Variants in OPRM1 observed in about 807,000 individuals in gnomAD.
OPRM1 encodes mu-type opioid receptor.
Under a neutral mutation model 31.8 loss-of-function variants are expected in OPRM1, and 27 were observed. That is an observed-to-expected ratio of 0.85 (90% CI 0.63 to 1.17). The LOEUF is 1.17. OPRM1 is among the 50% of genes most tolerant of loss of function. OPRM1 has a pLI of 0.00. For missense variants in OPRM1, 536 were observed against 511.1 expected (o/e 1.05, Z -0.47); for synonymous variants, 196 against 189.9 (o/e 1.03, Z -0.26).
intron 3 of OPRM1, among the ~76,000 whole-genome samples, chr6:154,172,089 T>A (rs990594625): frequency 2.6e-5 from 4 of 152,332 alleles, no homozygotes; most frequent in African/African-American, 9.6e-5. Flanking sequence ...AACTTACCAA[T>A]TGAGCCACTA....
chr6:154,178,714 C>T (rs927808028), intron 3 of OPRM1, among the ~76,000 whole-genome samples: 2 of 151,952 alleles, frequency 1.3e-5, no homozygotes, highest in African/African-American at 4.8e-5. Flanking sequence ...TAAATTAATC[C>T]AAAAATGAGA....
At chr6:154,017,090 A>G (rs1583119307) in intron 1 of OPRM1, among the ~76,000 whole-genome samples, 1 of 152,148 alleles carries the variant, frequency 6.6e-6, no homozygotes, top group African/African-American at 2.4e-5. Context: ...CCTAGCACTT[A>G]TCACCATCTG....
At chr6:154,030,295 GA>G (rs1397659404) in intron 1 of OPRM1, among the ~76,000 whole-genome samples, 1 of 152,126 alleles carries the variant, frequency 6.6e-6, no homozygotes, top group Non-Finnish European at 1.5e-5. Flanking sequence ...CTTGATTAAG[GA>G]AATAAAAAGA....
At chr6:154,055,507 A>G (rs1783098051) in intron 1 of OPRM1, among the ~76,000 whole-genome samples, 1 of 152,186 alleles carries the variant, frequency 6.6e-6, no homozygotes. Context: ...ACACTCACTC[A>G]GGGCTTTTGC....
At chr6:154,187,293 T>C (rs571211260) in intron 3 of OPRM1, among the ~76,000 whole-genome samples, 1 of 152,228 alleles carries the variant, frequency 6.6e-6, no homozygotes, top group East Asian at 1.9e-4. Flanking sequence ...CTGCCTCTTG[T>C]AAAAAAAGCA....
rs79377103 is a variant in OPRM1, at chr6:154,127,853, G to A, written c.*9132G>A. 4.5e-4 allele frequency among the ~76,000 whole-genome samples: 68 copies of A among 152,270 alleles called. No individual in the cohort carries two copies. Among genetic ancestry groups the A allele is most frequent in the Non-Finnish European group, 9.0e-4 (61 of 68,018 alleles). On this transcript the variant is annotated 3_prime_UTR_variant, in exon 4 of 4. Coordinates refer to ENST00000330432, the MANE Select transcript of OPRM1 (RefSeq NM_000914.5). Reference sequence around the variant, plus strand: ...AGGCTTCCTGTAATTCTCTTTGGCTGTAATACAATTTGTTCCCGTCTGCCC... The same window carrying A: ...AGGCTTCCTGTAATTCTCTTTGGCTATAATACAATTTGTTCCCGTCTGCCC...
chr6:154,108,184 G>C (rs1315565195), intron 3 of OPRM1: 1 of 467,078 alleles, frequency 2.1e-6, no homozygotes, highest in Non-Finnish European at 3.8e-6. Context: ...ATTCTGGCCA[G>C]AGCAAAACAC....
At chr6:154,032,471 T>C (rs539959006) in intron 1 of OPRM1, among the ~76,000 whole-genome samples, 87 of 152,322 alleles carry the variant, frequency 5.7e-4, no homozygotes, top group African/African-American at 1.9e-3. Context: ...GATCTCTCTC[T>C]ATCACCCAGG....
At chr6:154,196,598 A>AC (rs1776641855) in intron 3 of OPRM1, among the ~76,000 whole-genome samples, 1 of 152,214 alleles carries the variant, frequency 6.6e-6, no homozygotes, top group South Asian at 2.1e-4. Flanking sequence ...CCACATTGTC[A>AC]GCAGGTAGTG....
downstream of OPRM1, among the ~76,000 whole-genome samples, chr6:154,133,974 G>A (rs1797993860): frequency 6.6e-6 from 1 of 152,206 alleles, no homozygotes; most frequent in South Asian, 2.1e-4. Flanking sequence ...TGGGACATAG[G>A]GTTTGAAAGC....
intron 1 of OPRM1, among the ~76,000 whole-genome samples, chr6:154,071,525 G>A (rs553545204): frequency 1.9e-4 from 29 of 151,872 alleles, no homozygotes; most frequent in South Asian, 4.2e-4. Context: ...GCTCACCAGC[G>A]AAAACCCCCA....
At chr6:154,054,696 A>G (rs1301660483) in intron 1 of OPRM1, among the ~76,000 whole-genome samples, 2 of 152,226 alleles carry the variant, frequency 1.3e-5, no homozygotes, top group South Asian at 2.1e-4. Context: ...AATTTGACCA[A>G]TCATCTCTCT....
At chr6:154,185,060 C>T (rs1801216232) in intron 3 of OPRM1, among the ~76,000 whole-genome samples, 2 of 152,174 alleles carry the variant, frequency 1.3e-5, no homozygotes, top group South Asian at 2.1e-4. Context: ...GATCCTGCTA[C>T]ATGGCATGAC....
chr6:154,198,582 T>A (rs1410681321), intron 3 of OPRM1, among the ~76,000 whole-genome samples: 1 of 151,494 alleles, frequency 6.6e-6, no homozygotes, highest in Non-Finnish European at 1.5e-5. Flanking sequence ...ACTTGGAGAA[T>A]TAGTTACCAG....
At position 154,125,283 on chromosome 6, in the gene OPRM1, A is replaced by C. The variant is rs1378325844; in HGVS notation, c.*6562A>C. ...TTTGATGGTACCTGAATTTGCCTCT[A>C]TCATGCATCTCAATGATTTGTTGTC... On this transcript the variant is annotated 3_prime_UTR_variant, in exon 4 of 4. Transcript: ENST00000330432. 6.6e-6 allele frequency among the ~76,000 whole-genome samples: 1 copy of C among 152,196 alleles called. No homozygotes were observed. The highest frequency in any genetic ancestry group is 2.1e-4 in the South Asian group (1 of 4,832).
chr6:154,081,964 T>C (rs1789270740), intron 1 of OPRM1, among the ~76,000 whole-genome samples: 1 of 152,214 alleles, frequency 6.6e-6, no homozygotes, highest in Non-Finnish European at 1.5e-5. Flanking sequence ...CAATAGTTCC[T>C]TTCCTGCAGC....
Position 154,039,613 on chromosome 6 carries a change from C to G in OPRM1, c.69C>G (p.Ser23=). ...CTDALAYSSC[S]PAPSPGSWVN... ...ATGCCTTGGCGTACTCAAGTTGCTC[C>G]CCAGCACCCAGCCCCGGTTCCTGGG... Residue 23 remains serine, a synonymous_variant, in exon 1 of 4, where the codon TCC becomes TCG. Coordinates refer to ENST00000330432, the MANE Select transcript of OPRM1 (RefSeq NM_000914.5). 1 of 1,613,918 alleles carries G rather than the reference C, an allele frequency of 6.2e-7. No homozygotes were observed. Among genetic ancestry groups the G allele is most frequent in the Non-Finnish European group, 8.5e-7 (1 of 1,179,822 alleles).
chr6:154,202,593 A>G (rs1342503515), intron 3 of OPRM1, among the ~76,000 whole-genome samples: 1 of 152,194 alleles, frequency 6.6e-6, no homozygotes, highest in Non-Finnish European at 1.5e-5. Context: ...TGCTGACTCT[A>G]CTTTAAATTA....
chr6:154,091,651 G>C, intron 3 of OPRM1, 179 bp downstream of exon 3: 1 of 1,407,042 alleles, frequency 7.1e-7, no homozygotes, highest in Non-Finnish European at 9.2e-7. Context: ...CTTTATATTT[G>C]ACTGTACATA....
Sources: gnomAD v4.1 joint callset for allele counts (sites outside exome capture counted in the v4.1 genomes callset) on GRCh38, gnomAD v4.1.1 for gene constraint, MANE v1.5 for transcripts, NCBI Gene and HGNC (gene_info 2026-07-23, HGNC 2026-07-21) for gene names.